RAPGEF5: variants seen among roughly 807,000 people sequenced by gnomAD.
The protein encoded by RAPGEF5 is M-Ras-regulated GEF.
In RAPGEF5, 65 loss-of-function variants were observed where a neutral mutation model predicts 125.2. The ratio of observed to expected loss-of-function variants is 0.52; its 90% CI spans 0.43 to 0.64. The LOEUF is 0.64. RAPGEF5 is among the 30% of genes least tolerant of loss of function. The probability of loss-of-function intolerance (pLI) is 0.00; values close to 1 mark genes in which losing one functional copy is unlikely to be tolerated. For synonymous variants in RAPGEF5, 391 were observed against 385.9 expected, an observed-to-expected ratio of 1.01 and a Z score of -0.16; for missense variants, 958 against 1,048.1, an observed-to-expected ratio of 0.91 and a Z score of 1.19.
chr7:22,193,598 G>A (rs1156613365), intron 10 of RAPGEF5, 143 bp from the exon 11 acceptor site: 16 of 1,550,958 alleles, frequency 1.0e-5, no homozygotes, highest in Non-Finnish European at 1.4e-5. Flanking sequence ...CGGTCTGAGA[G>A]CGCCGCGGCG....
At chr7:22,270,934 T>C (rs947714909) in intron 6 of RAPGEF5, among the ~76,000 whole-genome samples, 3 of 152,338 alleles carry the variant, frequency 2.0e-5, no homozygotes, top group African/African-American at 7.2e-5. Flanking sequence ...CCAAGTTAGT[T>C]ATGAAGAACT....
chr7:22,193,712 A>G, intron 10 of RAPGEF5: 2 of 1,552,990 alleles, frequency 1.3e-6, no homozygotes, highest in Non-Finnish European at 1.7e-6. Flanking sequence ...AGATCTTGCC[A>G]TCCCTGTCCT....
Position 22,119,404 on chromosome 7 carries a change from G to A in RAPGEF5, c.*3002C>T, listed in dbSNP as rs1018862263. ...TTAAGGAAACTAGAAAAAAGTGAAT[G>A]CAGGTCATGTGTATCACTATAATCA... On this transcript the variant is annotated 3_prime_UTR_variant, in exon 26 of 26. Coordinates refer to ENST00000665637, the MANE Select transcript of RAPGEF5 (RefSeq NM_012294.5). The surrounding 1 kb of genome is among the most constrained non-coding windows in gnomAD (Gnocchi z 4.1). 1 of 152,152 alleles carries A rather than the reference G, an allele frequency of 6.6e-6. No individual in the cohort carries two copies. Among genetic ancestry groups the A allele is most frequent in the Non-Finnish European group, 1.5e-5 (1 of 68,032 alleles). The allele number at this position is 152,152 out of a possible 1,614,324, so 9.4% of individuals were successfully genotyped here.
At chr7:22,353,657 T>C (rs1025842449) in intron 1 of RAPGEF5, among the ~76,000 whole-genome samples, 1 of 152,184 alleles carries the variant, frequency 6.6e-6, no homozygotes, top group Non-Finnish European at 1.5e-5. Flanking sequence ...GGAACTCAGG[T>C]TGTGCATTAC....
At chr7:22,155,732 T>C (rs1455268971) in intron 16 of RAPGEF5, among the ~76,000 whole-genome samples, 1 of 152,224 alleles carries the variant, frequency 6.6e-6, no homozygotes, top group East Asian at 1.9e-4. Flanking sequence ...AATAGACTAG[T>C]GAGAGAGAAA....
At chr7:22,204,758 A>G (rs1229655610) in intron 9 of RAPGEF5, among the ~76,000 whole-genome samples, 1 of 152,192 alleles carries the variant, frequency 6.6e-6, no homozygotes, top group Non-Finnish European at 1.5e-5. Context: ...ACAAAGTGGC[A>G]CTCTTGGTGC....
chr7:22,170,243 TG>T (rs1342070871), intron 11 of RAPGEF5, among the ~76,000 whole-genome samples: 1 of 152,160 alleles, frequency 6.6e-6, no homozygotes, highest in African/African-American at 2.4e-5. Flanking sequence ...TGAGTAGAGA[TG>T]GGGTTTCACC....
chr7:22,261,629 A>T (rs558734627), intron 7 of RAPGEF5, among the ~76,000 whole-genome samples: 1 of 152,270 alleles, frequency 6.6e-6, no homozygotes, highest in East Asian at 1.9e-4. Flanking sequence ...CTGTCTCAAA[A>T]ATAATAACGA....
chr7:22,131,169 C>T (rs1782905295), intron 23 of RAPGEF5, 68 bp from the exon 24 acceptor site: 1 of 1,441,440 alleles, frequency 6.9e-7, no homozygotes, highest in Admixed American at 3.0e-5. Context: ...CTGAAGAGGT[C>T]TAGGTACAAT....
At chr7:22,160,807 A>G (rs989299815) in intron 13 of RAPGEF5, among the ~76,000 whole-genome samples, 192 bp from the exon 14 acceptor site, 1 of 152,180 alleles carries the variant, frequency 6.6e-6, no homozygotes, top group Admixed American at 6.6e-5. Context: ...ATGGCTCTCT[A>G]TCTGCTTTCA....
intron 24 of RAPGEF5, 44 bp from the exon 25 acceptor site, chr7:22,125,702 G>A (rs1183655091): frequency 1.3e-6 from 2 of 1,540,274 alleles, no homozygotes; most frequent in African/African-American, 2.7e-5. Context: ...GGGTCGTTGA[G>A]GGTGTTACTG....
intron 7 of RAPGEF5, among the ~76,000 whole-genome samples, chr7:22,265,888 T>C (rs1180958641): frequency 1.3e-5 from 2 of 152,190 alleles, no homozygotes; most frequent in Non-Finnish European, 2.9e-5. Flanking sequence ...TGCTGTTCAC[T>C]GGGGAGCCTT....
rs1783454797 is a variant in RAPGEF5, at chr7:22,310,940, G to C, written c.390-850C>G. On this transcript the variant is annotated intron_variant, in intron 3 of 25. Coordinates refer to ENST00000665637, the MANE Select transcript of RAPGEF5 (RefSeq NM_012294.5). Reference sequence around the variant, plus strand: ...TTTTCAGATACATATGAGCCTCAGGGGGAAAACAAAAAGAAAAACTTCTGA... The same window carrying C: ...TTTTCAGATACATATGAGCCTCAGGCGGAAAACAAAAAGAAAAACTTCTGA... Among the ~76,000 whole-genome samples the C allele has an allele frequency of 2.6e-5, 4 of 152,096 alleles. No homozygotes were observed. The South Asian group carries it at 6.2e-4, about 24-fold the overall frequency.
chr7:22,327,802 C>G (rs940620262), intron 1 of RAPGEF5, among the ~76,000 whole-genome samples: 2 of 152,176 alleles, frequency 1.3e-5, no homozygotes, highest in Admixed American at 1.3e-4. Context: ...TCAGAGACAC[C>G]TAAAGAGCTT....
chr7:22,352,743 A>C (rs911356126), intron 1 of RAPGEF5, among the ~76,000 whole-genome samples: 4 of 152,154 alleles, frequency 2.6e-5, no homozygotes, highest in Non-Finnish European at 5.9e-5. Context: ...AAAAATTAAG[A>C]CTTTTCCCTG....
chr7:22,161,877 A>G (rs771058816), intron 13 of RAPGEF5, among the ~76,000 whole-genome samples: 7 of 152,164 alleles, frequency 4.6e-5, no homozygotes, highest in Non-Finnish European at 1.0e-4. Context: ...CTTACTAATC[A>G]TCTCTCCAGA....
intron 23 of RAPGEF5, among the ~76,000 whole-genome samples, chr7:22,131,894 C>A (rs951856147): frequency 2.0e-5 from 3 of 152,142 alleles, no homozygotes; most frequent in Non-Finnish European, 4.4e-5. Flanking sequence ...AAGGTAGCAA[C>A]TGAAGCTCTG....
At chr7:22,298,326 C>T (rs1783114280) in intron 5 of RAPGEF5, among the ~76,000 whole-genome samples, 3 of 151,982 alleles carry the variant, frequency 2.0e-5, no homozygotes, top group African/African-American at 2.4e-5. Flanking sequence ...TACAGCCATG[C>T]ACCACCACGC....
chr7:22,355,332 C>T (rs772048723), intron 1 of RAPGEF5, among the ~76,000 whole-genome samples: 5 of 152,162 alleles, frequency 3.3e-5, no homozygotes, highest in African/African-American at 4.8e-5. Flanking sequence ...TCTATTTATA[C>T]AGAAACCCTC....
Sources: gnomAD v4.1 joint callset for allele counts (sites outside exome capture counted in the v4.1 genomes callset) on GRCh38, gnomAD v4.1.1 for gene constraint, Gnocchi (gnomAD v3.1) non-coding constraint, MANE v1.5 for transcripts, NCBI Gene and HGNC (gene_info 2026-07-23, HGNC 2026-07-21) for gene names.